TBC1D5: variants seen among roughly 807,000 people sequenced by gnomAD.
TBC1D5 encodes the protein TBC1 domain family, member 5.
A neutral mutation model predicts 100.3 loss-of-function variants in TBC1D5; 75 were observed. The ratio of observed to expected loss-of-function variants is 0.75; its 90% CI spans 0.62 to 0.91. TBC1D5 has a LOEUF of 0.91. Among genes scored for constraint, TBC1D5 ranks in the 40% least tolerant of loss-of-function variants. TBC1D5 has a pLI of 0.00. For synonymous variants in TBC1D5, 323 were observed against 325.6 expected, an observed-to-expected ratio of 0.99 and a Z score of 0.09; for missense variants, 910 against 942.4, an observed-to-expected ratio of 0.97 and a Z score of 0.45.
chr3:17,399,486 C>T (rs2093594223), intron 8 of TBC1D5, among the ~76,000 whole-genome samples: 2 of 152,068 alleles, frequency 1.3e-5, no homozygotes, highest in Non-Finnish European at 2.9e-5. Context: ...AACCCATCTA[C>T]CTACTCCTGT....
At chr3:17,414,735 C>G (rs187002123) in intron 4 of TBC1D5, among the ~76,000 whole-genome samples, 2 of 152,112 alleles carry the variant, frequency 1.3e-5, no homozygotes, top group African/African-American at 4.8e-5. Context: ...AGGGAACTCA[C>G]GAGTCTCTAA....
At position 17,500,657 on chromosome 3, in the gene TBC1D5, A is replaced by G. The variant is rs1576381203; in HGVS notation, c.97+7817T>C. Reference sequence around the variant, plus strand: ...AACTGCTCGCTTTGAACCTTCTGGAAGCTCTCATATCTGTGGCTTCTATAA... The same window carrying G: ...AACTGCTCGCTTTGAACCTTCTGGAGGCTCTCATATCTGTGGCTTCTATAA... On this transcript the variant is annotated intron_variant, in intron 3 of 21. Transcript: ENST00000253692. 1.3e-5 allele frequency among the ~76,000 whole-genome samples: 2 copies of G among 149,638 alleles called. 1 individual carries two copies. The highest frequency in any genetic ancestry group is 5.1e-5 in the African/African-American group (2 of 39,478).
intron 17 of TBC1D5, among the ~76,000 whole-genome samples, chr3:17,231,598 C>CT (rs2075424973): frequency 6.6e-6 from 1 of 152,030 alleles, no homozygotes; most frequent in Non-Finnish European, 1.5e-5. Context: ...TTGGGAAAAT[C>CT]TAAGTAGTTT....
chr3:17,285,670 ACTTTT>A (rs2081117483), intron 15 of TBC1D5, among the ~76,000 whole-genome samples: 1 of 152,148 alleles, frequency 6.6e-6, no homozygotes, highest in Admixed American at 6.5e-5. Flanking sequence ...TCCATCCACT[ACTTTT>A]CAAGTTTGAT....
At chr3:17,478,807 C>G (rs1003685987) in intron 3 of TBC1D5, among the ~76,000 whole-genome samples, 5 of 152,118 alleles carry the variant, frequency 3.3e-5, no homozygotes, top group African/African-American at 1.2e-4. Flanking sequence ...GATGGCTACC[C>G]TGCTGGAGGA....
At chr3:17,233,294 G>A (rs1419562374) in intron 17 of TBC1D5, among the ~76,000 whole-genome samples, 4 of 152,090 alleles carry the variant, frequency 2.6e-5, no homozygotes, top group African/African-American at 9.7e-5. Context: ...CTGGCTAATC[G>A]TAGCACATAA....
chr3:17,544,615 C>T (rs933912972), intron 2 of TBC1D5, among the ~76,000 whole-genome samples: 3 of 141,652 alleles, frequency 2.1e-5, no homozygotes, highest in Non-Finnish European at 4.5e-5. Context: ...CGCGCCACTG[C>T]ACTACAACCT....
Position 17,594,662 on chromosome 3 carries a change from T to C in TBC1D5, c.-36+29187A>G, listed in dbSNP as rs534855858. ...ACATGACATAGATTTACCGACTTCATATCAGCATTTAAGTAATGTTAACTA... is the reference window on the plus strand; with the variant it reads ...ACATGACATAGATTTACCGACTTCACATCAGCATTTAAGTAATGTTAACTA... On this transcript the variant is annotated intron_variant, in intron 2 of 21. Transcript: ENST00000253692. Among the ~76,000 whole-genome samples, 60 of 152,340 alleles carry C rather than the reference T, an allele frequency of 3.9e-4. 1 individual carries two copies. Among genetic ancestry groups the C allele is most frequent in the African/African-American group, 1.3e-3 (56 of 41,588 alleles).
intron 1 of TBC1D5, among the ~76,000 whole-genome samples, chr3:17,720,185 C>T (rs1055585312): frequency 6.6e-6 from 1 of 152,090 alleles, no homozygotes; most frequent in African/African-American, 2.4e-5. Flanking sequence ...ACTGAAGATC[C>T]TGCAACTTTT....
At chr3:17,491,205 T>C (rs1310900195) in intron 3 of TBC1D5, among the ~76,000 whole-genome samples, 1 of 152,190 alleles carries the variant, frequency 6.6e-6, no homozygotes, top group African/African-American at 2.4e-5. Flanking sequence ...TAAAAAGCTT[T>C]TGGGCTGAGA....
intron 18 of TBC1D5, among the ~76,000 whole-genome samples, chr3:17,201,363 T>C (rs1294841587): frequency 2.0e-5 from 3 of 152,174 alleles, no homozygotes; most frequent in Admixed American, 6.5e-5. Context: ...TCTCCCATGC[T>C]TCAGGCATGA....
chr3:17,349,464 T>C (rs1251625632), intron 13 of TBC1D5, among the ~76,000 whole-genome samples: 1 of 152,214 alleles, frequency 6.6e-6, no homozygotes, highest in Non-Finnish European at 1.5e-5. Flanking sequence ...TTTAAATATC[T>C]GGGCTTTCAT....
chr3:17,638,966 A>G (rs1301666063), intron 1 of TBC1D5, among the ~76,000 whole-genome samples: 3 of 152,162 alleles, frequency 2.0e-5, no homozygotes, highest in Non-Finnish European at 4.4e-5. Flanking sequence ...AGTTTCTTAA[A>G]AGGTTAAACA....
chr3:17,412,526 A>G (rs920271966), intron 4 of TBC1D5, among the ~76,000 whole-genome samples: 1 of 152,138 alleles, frequency 6.6e-6, no homozygotes, highest in Admixed American at 6.5e-5. Flanking sequence ...GACATGATTA[A>G]CAATAGAAAA....
chr3:17,470,504 T>C (rs1042754098), intron 3 of TBC1D5, among the ~76,000 whole-genome samples: 1 of 152,250 alleles, frequency 6.6e-6, no homozygotes, highest in African/African-American at 2.4e-5. Flanking sequence ...TATATTTCTA[T>C]AAATCAATCT....
intron 3 of TBC1D5, among the ~76,000 whole-genome samples, chr3:17,456,950 A>T (rs2095099768): frequency 6.6e-6 from 1 of 152,198 alleles, no homozygotes; most frequent in African/African-American, 2.4e-5. Context: ...ATTTACAGTT[A>T]TAAGACAAAA....
At chr3:17,711,344 GAT>G (rs1455498843) in intron 1 of TBC1D5, among the ~76,000 whole-genome samples, 2 of 152,112 alleles carry the variant, frequency 1.3e-5, no homozygotes, top group Admixed American at 6.6e-5. Context: ...ATTAGTTACA[GAT>G]ATGTTACAAA....
At chr3:17,642,605 AG>A (rs1282550501) in intron 1 of TBC1D5, among the ~76,000 whole-genome samples, 1 of 152,180 alleles carries the variant, frequency 6.6e-6, no homozygotes, top group Non-Finnish European at 1.5e-5. Flanking sequence ...ACATCTCTTT[AG>A]AAATTACACA....
exon 22 of TBC1D5, chr3:17,158,429 T>C (rs2065771605): frequency 1.3e-5 from 2 of 152,236 alleles, no homozygotes; most frequent in African/African-American, 2.4e-5. Context: ...TATTCTTTAA[T>C]AGCACTGTAA....
Sources: allele counts gnomAD v4.1 joint callset (sites outside exome capture counted in the v4.1 genomes callset), GRCh38; gene constraint gnomAD v4.1.1; transcripts MANE v1.5; gene names NCBI Gene and HGNC (gene_info 2026-07-23, HGNC 2026-07-21).